Variants in NRCAM observed in about 807,000 individuals in gnomAD.
The protein encoded by NRCAM is neuronal cell adhesion molecule.
A neutral mutation model predicts 156.5 loss-of-function variants in NRCAM; 83 were observed. That is an observed-to-expected ratio of 0.53 (90% CI 0.44 to 0.64). The LOEUF (loss-of-function observed/expected upper bound fraction) is 0.64, where lower values mean the gene tolerates loss of function less well. Among genes scored for constraint, NRCAM ranks in the 30% least tolerant of loss-of-function variants. The probability of loss-of-function intolerance (pLI) is 0.00; values close to 1 mark genes in which losing one functional copy is unlikely to be tolerated. For synonymous variants in NRCAM, 538 were observed against 563.9 expected, an observed-to-expected ratio of 0.95 and a Z score of 0.65; for missense variants, 1,417 against 1,597.3, an observed-to-expected ratio of 0.89 and a Z score of 1.92.
At chr7:108,173,893 A>G (rs1439856863) in intron 28 of NRCAM, among the ~76,000 whole-genome samples, 2 of 152,182 alleles carry the variant, frequency 1.3e-5, no homozygotes, top group Non-Finnish European at 2.9e-5. Flanking sequence ...AGTGGAGTGC[A>G]TATCTACTTC....
At chr7:108,386,518 T>C (rs1483263807) in intron 2 of NRCAM, among the ~76,000 whole-genome samples, 1 of 152,144 alleles carries the variant, frequency 6.6e-6, no homozygotes, top group East Asian at 1.9e-4. Flanking sequence ...CATCACAAGA[T>C]CTGAGTCACA....
chr7:108,412,096 A>T (rs551017120), intron 1 of NRCAM, among the ~76,000 whole-genome samples: 1 of 152,246 alleles, frequency 6.6e-6, no homozygotes, highest in South Asian at 2.1e-4. Flanking sequence ...TTACACATTC[A>T]TAAATGTATA....
chr7:108,313,615 T>C (rs781057089), intron 2 of NRCAM, among the ~76,000 whole-genome samples: 2 of 152,220 alleles, frequency 1.3e-5, no homozygotes, highest in Non-Finnish European at 2.9e-5. Context: ...TGCTTATGTA[T>C]GTGTTATAAA....
In NRCAM at chr7:108,164,376, T is replaced by C. The variant is rs112287600; in HGVS notation, c.3466+2545A>G. On this transcript the variant is annotated intron_variant, in intron 30 of 32. Coordinates refer to ENST00000379028, the MANE Select transcript of NRCAM (RefSeq NM_001037132.4). Reference sequence around the variant, plus strand: ...AAATCCAGGGTATAAAAGGGAGAGATGGTGTAATGGTAGGAAGATTGATGA... The same window carrying C: ...AAATCCAGGGTATAAAAGGGAGAGACGGTGTAATGGTAGGAAGATTGATGA... Among the ~76,000 whole-genome samples, 1,431 of 152,130 alleles carry C rather than the reference T, an allele frequency of 9.4e-3. 24 individuals are homozygous for C. The highest frequency in any genetic ancestry group is 0.033 in the African/African-American group (1,350 of 41,484).
intron 2 of NRCAM, among the ~76,000 whole-genome samples, chr7:108,355,881 T>C (rs1162505466): frequency 6.6e-6 from 1 of 152,054 alleles, no homozygotes; most frequent in Non-Finnish European, 1.5e-5. Context: ...TCACATCACG[T>C]AGGTATTTTA....
chr7:108,352,008 G>A (rs1399840467), intron 2 of NRCAM, among the ~76,000 whole-genome samples: 2 of 151,992 alleles, frequency 1.3e-5, no homozygotes, highest in Non-Finnish European at 2.9e-5. Context: ...TCAAAGCAGA[G>A]ATGAAAAGAC....
intron 3 of NRCAM, among the ~76,000 whole-genome samples, chr7:108,309,747 C>T (rs890841384): frequency 2.6e-5 from 4 of 152,110 alleles, no homozygotes; most frequent in Non-Finnish European, 4.4e-5. Flanking sequence ...ATTGTAGCTA[C>T]TCAGGAGGCT....
chr7:108,212,437 T>C (rs1382898736), intron 11 of NRCAM, among the ~76,000 whole-genome samples: 1 of 152,154 alleles, frequency 6.6e-6, no homozygotes, highest in African/African-American at 2.4e-5. Flanking sequence ...AGGTTAGTTA[T>C]TAAGCTTATC....
chr7:108,371,912 A>T (rs2099631119), intron 2 of NRCAM, among the ~76,000 whole-genome samples: 2 of 152,164 alleles, frequency 1.3e-5, no homozygotes. Flanking sequence ...TGAATAGCCA[A>T]ATCAATCTTG....
chr7:108,177,427 T>G (rs146289475), intron 26 of NRCAM, among the ~76,000 whole-genome samples: 3 of 151,868 alleles, frequency 2.0e-5, no homozygotes, highest in East Asian at 1.9e-4. Flanking sequence ...ATCAAGACCA[T>G]CCTGGCTAAC....
At position 108,148,812 on chromosome 7, in the gene NRCAM, A is replaced by G. The variant is rs2039948934; in HGVS notation, c.*1098T>C. 6.6e-6 allele frequency: 1 copy of G among 152,336 alleles called. No homozygotes were observed. Among genetic ancestry groups the G allele is most frequent in the Non-Finnish European group, 1.5e-5 (1 of 68,034 alleles). 9.4% of individuals were successfully genotyped at this position (152,336 alleles called of 1,614,324 possible). On this transcript the variant is annotated 3_prime_UTR_variant, in exon 33 of 33. Coordinates refer to ENST00000379028, the MANE Select transcript of NRCAM (RefSeq NM_001037132.4). Reference sequence around the variant, plus strand: ...GTTGACATCTTTCTTACTGAATGTAATAGAAACCATAAAGGACCACAAAAT... The same window carrying G: ...GTTGACATCTTTCTTACTGAATGTAGTAGAAACCATAAAGGACCACAAAAT...
intron 2 of NRCAM, among the ~76,000 whole-genome samples, chr7:108,396,767 C>T (rs1217073570): frequency 1.3e-5 from 2 of 152,132 alleles, no homozygotes; most frequent in African/African-American, 4.8e-5. Flanking sequence ...AGGTAATATC[C>T]TGTGCCTAAA....
chr7:108,191,699 C>A, intron 18 of NRCAM, 30 bp downstream of exon 18: 2 of 1,563,484 alleles, frequency 1.3e-6, no homozygotes, highest in South Asian at 1.2e-5. Flanking sequence ...GCAGGGAAGC[C>A]AGTTGTGCTA....
chr7:108,280,654 C>T (rs944930397), intron 3 of NRCAM, among the ~76,000 whole-genome samples: 3 of 152,186 alleles, frequency 2.0e-5, no homozygotes, highest in South Asian at 2.1e-4. Flanking sequence ...ATAGTTTGAC[C>T]GTTGTCCATT....
chr7:108,360,320 C>A (rs565514704), intron 2 of NRCAM, among the ~76,000 whole-genome samples: 3 of 152,232 alleles, frequency 2.0e-5, no homozygotes, highest in South Asian at 4.1e-4. Context: ...TCAGCTGATA[C>A]TTTCAGCAAG....
intron 3 of NRCAM, among the ~76,000 whole-genome samples, chr7:108,308,816 G>T (rs921116572): frequency 3.9e-5 from 6 of 152,212 alleles, no homozygotes; most frequent in African/African-American, 1.4e-4. Flanking sequence ...GAGAAAAATG[G>T]CTGTGTCCCA....
rs370965469 is a variant in NRCAM at position 108,360,197 on chromosome 7, T to C, written c.-174+39239A>G. Reference sequence around the variant, plus strand: ...TGGATTCAGACAATAGTGGAGTAGGTAGAAGGCTACAAATCTAGTCAATTA... The same window carrying C: ...TGGATTCAGACAATAGTGGAGTAGGCAGAAGGCTACAAATCTAGTCAATTA... On this transcript the variant is annotated intron_variant, in intron 2 of 32. Transcript: ENST00000379028. 7.2e-5 allele frequency among the ~76,000 whole-genome samples: 11 copies of C among 152,152 alleles called. 1 individual carries two copies. The highest frequency in any genetic ancestry group is 6.5e-4 in the Admixed American group (10 of 15,284).
intron 1 of NRCAM, among the ~76,000 whole-genome samples, chr7:108,401,278 C>T (rs145457379): frequency 1.8e-4 from 27 of 151,910 alleles, no homozygotes; most frequent in South Asian, 1.0e-3. Flanking sequence ...CAGTGGCTCA[C>T]ACCTGTAATC....
chr7:108,217,055 T>C (rs968393781), intron 11 of NRCAM, among the ~76,000 whole-genome samples: 1 of 131,310 alleles, frequency 7.6e-6, no homozygotes, highest in African/African-American at 2.5e-5. Context: ...TGTGGATTTA[T>C]CTACCTTTGG....
Sources: allele counts gnomAD v4.1 joint callset (sites outside exome capture counted in the v4.1 genomes callset), GRCh38; gene constraint gnomAD v4.1.1; transcripts MANE v1.5; gene names NCBI Gene and HGNC (gene_info 2026-07-23, HGNC 2026-07-21).